The following PTGFRN variants were observed in gnomAD, a reference collection of about 807,000 sequenced individuals.
The protein encoded by PTGFRN is prostaglandin F2 receptor negative regulator.
Under a neutral mutation model 83.2 loss-of-function variants are expected in PTGFRN, and 35 were observed. The ratio of observed to expected loss-of-function variants is 0.42; its 90% CI spans 0.32 to 0.56. The LOEUF (loss-of-function observed/expected upper bound fraction) is 0.56. Ranked by LOEUF, PTGFRN falls within the 20% of genes least tolerant of loss-of-function variation. The pLI is 0.11. For missense variants in PTGFRN, 1,051 were observed against 1,179.5 expected, an observed-to-expected ratio of 0.89 and a Z score of 1.60; for synonymous variants, 519 against 498.6, an observed-to-expected ratio of 1.04 and a Z score of -0.55.
At chr1:116,976,691 C>T (rs1013816492) in intron 7 of PTGFRN, among the ~76,000 whole-genome samples, 2 of 152,118 alleles carry the variant, frequency 1.3e-5, no homozygotes, top group African/African-American at 4.8e-5. Context: ...TTTGTCACCA[C>T]CAGGCCTGCC....
At chr1:116,950,430 CT>C (rs5777294) in intron 4 of PTGFRN, among the ~76,000 whole-genome samples, 23,272 of 152,136 alleles carry the variant, frequency 0.15, 2,039 homozygotes, top group Middle Eastern at 0.23. Context: ...ACATTCCCCC[CT>C]GTTTTGATCT....
chr1:116,926,130 G>T (rs12032984), intron 1 of PTGFRN, among the ~76,000 whole-genome samples: 9,008 of 152,224 alleles, frequency 0.059, 326 homozygotes, highest in East Asian at 0.15. Context: ...TGGATCTAGG[G>T]AACAGTCAAA....
chr1:116,969,408 C>T (rs1372491096), intron 6 of PTGFRN, among the ~76,000 whole-genome samples: 1 of 152,118 alleles, frequency 6.6e-6, no homozygotes, highest in African/African-American at 2.4e-5. Flanking sequence ...ATAATTTAAT[C>T]ATAAATGTAG....
chr1:116,912,097 A>C (rs1444892416), intron 1 of PTGFRN, among the ~76,000 whole-genome samples: 5 of 152,198 alleles, frequency 3.3e-5, no homozygotes, highest in Admixed American at 3.3e-4. Flanking sequence ...TTGAGTAATA[A>C]TGAAGGGAGA....
At chr1:116,959,637 A>G (rs1650591531) in intron 4 of PTGFRN, among the ~76,000 whole-genome samples, 1 of 152,160 alleles carries the variant, frequency 6.6e-6, no homozygotes, top group African/African-American at 2.4e-5. Context: ...TTTAGGTAGT[A>G]TTATTTTTCT....
chr1:116,968,492 G>A (rs1298910055), intron 6 of PTGFRN, among the ~76,000 whole-genome samples: 1 of 152,034 alleles, frequency 6.6e-6, no homozygotes, highest in African/African-American at 2.4e-5. Flanking sequence ...TAGATTTGGA[G>A]AAAGCATAGG....
At chr1:116,986,776 T>C in intron 8 of PTGFRN, 25 bp from the exon 9 acceptor site, 1 of 1,611,542 alleles carries the variant, frequency 6.2e-7, no homozygotes, top group Non-Finnish European at 8.5e-7. Context: ...ACTGACTGGC[T>C]TCCCCTTTGA....
chr1:116,925,961 T>C (rs1649647885), intron 1 of PTGFRN, among the ~76,000 whole-genome samples: 1 of 152,198 alleles, frequency 6.6e-6, no homozygotes, highest in Non-Finnish European at 1.5e-5. Context: ...CAAGCCAAAC[T>C]GTTAAACAAC....
intron 1 of PTGFRN, among the ~76,000 whole-genome samples, chr1:116,912,115 A>AG (rs1649288076): frequency 6.6e-6 from 1 of 152,160 alleles, no homozygotes; most frequent in Non-Finnish European, 1.5e-5. Flanking sequence ...AGAAGAGGGG[A>AG]GGGGGCAAAG....
chr1:116,973,930 T>G (rs528596105), intron 6 of PTGFRN, among the ~76,000 whole-genome samples: 1 of 152,292 alleles, frequency 6.6e-6, no homozygotes, highest in African/African-American at 2.4e-5. Flanking sequence ...GAGGGTAGCT[T>G]TCGAATGAGG....
At chr1:116,964,920 C>T (rs1312461723) in intron 5 of PTGFRN, among the ~76,000 whole-genome samples, 1 of 152,262 alleles carries the variant, frequency 6.6e-6, no homozygotes, top group Non-Finnish European at 1.5e-5. Context: ...AGATCGTCTC[C>T]TTGCTCTGCC....
At chr1:116,948,026 C>T (rs770356482) in intron 3 of PTGFRN, among the ~76,000 whole-genome samples, 21 of 152,262 alleles carry the variant, frequency 1.4e-4, no homozygotes, top group South Asian at 4.1e-4. Context: ...AAGTAATTTA[C>T]GCCAAGGAGC....
chr1:116,939,400 C>T (rs1258230202), intron 1 of PTGFRN, among the ~76,000 whole-genome samples: 2 of 152,372 alleles, frequency 1.3e-5, no homozygotes, highest in African/African-American at 2.4e-5. Flanking sequence ...CTTGACACCA[C>T]GTGGCAGCTG....
chr1:116,940,848 G>A (rs1042465781), intron 1 of PTGFRN, among the ~76,000 whole-genome samples: 15 of 152,182 alleles, frequency 9.9e-5, no homozygotes, highest in Non-Finnish European at 2.1e-4. Flanking sequence ...ATGCTAAACA[G>A]GTAGTAAATA....
intron 5 of PTGFRN, 128 bp from the exon 6 acceptor site, chr1:116,966,783 A>C (rs1650847497): frequency 4.0e-6 from 4 of 1,006,886 alleles, no homozygotes; most frequent in Non-Finnish European, 5.6e-6. Flanking sequence ...GAGTTTCCAG[A>C]TTTTCGTAGG....
At chr1:116,944,403 G>A (rs1409971789) in intron 2 of PTGFRN, among the ~76,000 whole-genome samples, 1 of 152,200 alleles carries the variant, frequency 6.6e-6, no homozygotes, top group Admixed American at 6.5e-5. Context: ...CTTGCCTTAA[G>A]GGTAGCAGAA....
chr1:116,921,416 T>C (rs1462740705), intron 1 of PTGFRN, among the ~76,000 whole-genome samples: 1 of 152,264 alleles, frequency 6.6e-6, no homozygotes, highest in Non-Finnish European at 1.5e-5. Context: ...CGTTTTCTTA[T>C]TTATTAGAAG....
intron 1 of PTGFRN, among the ~76,000 whole-genome samples, chr1:116,937,950 G>A (rs928498205): frequency 2.6e-5 from 4 of 152,086 alleles, no homozygotes; most frequent in East Asian, 1.9e-4. Flanking sequence ...CATTTCACAC[G>A]TGAGGAAACT....
At chr1:116,948,967 T>C (rs10801916) in intron 3 of PTGFRN, among the ~76,000 whole-genome samples, 98,022 of 152,146 alleles carry the variant, frequency 0.64, 32,399 homozygotes, top group East Asian at 0.82. Flanking sequence ...ATAGCAGATA[T>C]ATGTAAATGT....
Sources: allele counts gnomAD v4.1 joint callset (sites outside exome capture counted in the v4.1 genomes callset), GRCh38; gene constraint gnomAD v4.1.1; transcripts MANE v1.5; gene names NCBI Gene and HGNC (gene_info 2026-07-23, HGNC 2026-07-21).